HPSE2: variants seen among roughly 807,000 people sequenced by gnomAD.
The protein encoded by HPSE2 is inactive heparanase-2.
HPSE2 carries 38 observed loss-of-function variants against 60.5 expected under a neutral mutation model. The ratio of observed to expected loss-of-function variants is 0.63; its 90% CI spans 0.48 to 0.82. The LOEUF (loss-of-function observed/expected upper bound fraction) is 0.82, where lower values mean the gene tolerates loss of function less well. Among genes scored for constraint, HPSE2 ranks in the 40% least tolerant of loss-of-function variants. The pLI is 0.00. For missense variants in HPSE2, 713 were observed against 740.4 expected, an observed-to-expected ratio of 0.96 and a Z score of 0.43; for synonymous variants, 295 against 293.2, an observed-to-expected ratio of 1.01 and a Z score of -0.06.
At chr10:99,154,723 T>C (rs1416530469) in intron 2 of HPSE2, among the ~76,000 whole-genome samples, 12 of 150,982 alleles carry the variant, frequency 7.9e-5, no homozygotes, top group Non-Finnish European at 1.8e-4. Flanking sequence ...GCTAACATCA[T>C]AATGACAGGA....
At chr10:98,911,483 A>C (rs939429229) in intron 3 of HPSE2, among the ~76,000 whole-genome samples, 1 of 152,202 alleles carries the variant, frequency 6.6e-6, no homozygotes, top group Non-Finnish European at 1.5e-5. Context: ...CTCACAGACC[A>C]AAGAGGGCAG....
At chr10:98,885,010 T>C (rs1953126685) in intron 3 of HPSE2, among the ~76,000 whole-genome samples, 1 of 152,122 alleles carries the variant, frequency 6.6e-6, no homozygotes, top group Non-Finnish European at 1.5e-5. Flanking sequence ...GCAAAGCAAA[T>C]TGAAAACCTA....
chr10:99,271,423 G>C, the HPSE2 span, among the ~76,000 whole-genome samples: 1 of 152,170 alleles, frequency 6.6e-6, no homozygotes, highest in African/African-American at 2.4e-5. Context: ...CAAAATTTGG[G>C]AATATACCTA....
intron 11 of HPSE2, chr10:98,461,725 C>G: frequency 6.8e-7 from 1 of 1,475,040 alleles, no homozygotes; most frequent in Non-Finnish European, 9.3e-7. Flanking sequence ...AATGGTTTCT[C>G]CCATATACAG....
intron 9 of HPSE2, among the ~76,000 whole-genome samples, chr10:98,610,659 T>C (rs1204533326): frequency 1.3e-5 from 2 of 152,228 alleles, no homozygotes; most frequent in Non-Finnish European, 2.9e-5. Flanking sequence ...GGCAATCCAA[T>C]GTGATCTAGC....
intron 3 of HPSE2, among the ~76,000 whole-genome samples, chr10:98,785,659 G>A (rs1287620994): frequency 6.8e-6 from 1 of 147,966 alleles, no homozygotes; most frequent in Admixed American, 6.8e-5. Context: ...ACTTCTTCCT[G>A]GTTTAGTCTT....
At chr10:99,057,141 A>C (rs1354420133) in intron 3 of HPSE2, among the ~76,000 whole-genome samples, 1 of 152,164 alleles carries the variant, frequency 6.6e-6, no homozygotes, top group Non-Finnish European at 1.5e-5. Context: ...TAGGTGTATA[A>C]TTTTATCAAA....
upstream of HPSE2, among the ~76,000 whole-genome samples, chr10:99,240,199 AAAG>A (rs1849916781): frequency 6.6e-6 from 1 of 152,102 alleles, no homozygotes; most frequent in Non-Finnish European, 1.5e-5. Context: ...CAAAAAAAGA[AAAG>A]AAAAGGAAAA....
At chr10:99,189,799 C>A (rs908109240) in intron 2 of HPSE2, among the ~76,000 whole-genome samples, 1 of 152,120 alleles carries the variant, frequency 6.6e-6, no homozygotes, top group Non-Finnish European at 1.5e-5. Context: ...ATCTCTTATG[C>A]GTCCATTTTG....
intron 3 of HPSE2, among the ~76,000 whole-genome samples, chr10:99,070,514 T>A (rs1304209375): frequency 1.3e-5 from 2 of 152,186 alleles, no homozygotes; most frequent in East Asian, 3.8e-4. Context: ...AGTAAGAACA[T>A]TTAGCATGGC....
intron 3 of HPSE2, among the ~76,000 whole-genome samples, chr10:98,862,440 A>G (rs1952480355): frequency 6.6e-6 from 1 of 152,174 alleles, no homozygotes; most frequent in South Asian, 2.1e-4. Flanking sequence ...TCTGATATGT[A>G]CAGTGGCACT....
intron 3 of HPSE2, among the ~76,000 whole-genome samples, chr10:99,000,920 G>A (rs1433591128): frequency 6.6e-6 from 1 of 151,976 alleles, no homozygotes; most frequent in African/African-American, 2.4e-5. Flanking sequence ...CCTGTCCCCT[G>A]CGTGCACAGT....
At chr10:98,755,479 G>A (rs1341696809) in intron 3 of HPSE2, among the ~76,000 whole-genome samples, 1 of 152,086 alleles carries the variant, frequency 6.6e-6, no homozygotes, top group Non-Finnish European at 1.5e-5. Context: ...AAACTCCAAA[G>A]ATATTTGGGA....
intron 9 of HPSE2, among the ~76,000 whole-genome samples, chr10:98,578,978 C>T (rs2133916093): frequency 6.6e-6 from 1 of 152,248 alleles, no homozygotes; most frequent in Admixed American, 6.5e-5. Flanking sequence ...CTTTCCAAAG[C>T]CTAGATAAGA....
intron 9 of HPSE2, among the ~76,000 whole-genome samples, chr10:98,571,908 G>A (rs1944504331): frequency 6.6e-6 from 1 of 150,678 alleles, no homozygotes; most frequent in Non-Finnish European, 1.5e-5. Context: ...TGAGTCCTTG[G>A]AGTTCTAATT....
chr10:98,741,905 A>C (rs1233832660), intron 4 of HPSE2, among the ~76,000 whole-genome samples: 1 of 152,128 alleles, frequency 6.6e-6, no homozygotes, highest in Non-Finnish European at 1.5e-5. Context: ...GAATAAAGCT[A>C]AGTTGGGCAG....
chr10:99,295,565 A>G, the HPSE2 span, among the ~76,000 whole-genome samples: 1 of 152,324 alleles, frequency 6.6e-6, no homozygotes, highest in East Asian at 1.9e-4. Flanking sequence ...TATATTTTCT[A>G]AAATCTTTGT....
intron 9 of HPSE2, among the ~76,000 whole-genome samples, chr10:98,593,694 A>G (rs1564995936): frequency 6.6e-6 from 1 of 152,172 alleles, no homozygotes; most frequent in African/African-American, 2.4e-5. Context: ...AGATATGAAG[A>G]CAGGGTAGGC....
intron 9 of HPSE2, among the ~76,000 whole-genome samples, chr10:98,525,351 C>A (rs549917241): frequency 2.6e-5 from 4 of 152,300 alleles, no homozygotes; most frequent in African/African-American, 9.6e-5. Flanking sequence ...CATTTCATGG[C>A]CCATTTAGTC....
Sources: allele counts gnomAD v4.1 joint callset (sites outside exome capture counted in the v4.1 genomes callset), GRCh38; gene constraint gnomAD v4.1.1; transcripts MANE v1.5; gene names NCBI Gene and HGNC (gene_info 2026-07-23, HGNC 2026-07-21).